CELF2: variants seen among roughly 807,000 people sequenced by gnomAD.
CELF2 encodes CUGBP Elav-like family member 2.
Under a neutral mutation model 62.6 loss-of-function variants are expected in CELF2, and 8 were observed. The ratio of observed to expected loss-of-function variants is 0.13; its 90% CI spans 0.07 to 0.23. The LOEUF (loss-of-function observed/expected upper bound fraction) is 0.23. CELF2 is among the 10% of genes least tolerant of loss of function. CELF2 has a pLI of 1.00. For synonymous variants in CELF2, 258 were observed against 250.0 expected (o/e 1.03, Z -0.30); for missense variants, 333 against 671.0 (o/e 0.50, Z 5.56).
the CELF2 span, among the ~76,000 whole-genome samples, chr10:10,774,883 ATTT>A: frequency 9.6e-4 from 139 of 145,468 alleles, 1 homozygote; most frequent in African/African-American, 2.9e-3. Flanking sequence ...TTATTTATTT[ATTT>A]TTTTTTTTTT....
At chr10:10,678,137 T>C in the CELF2 span, among the ~76,000 whole-genome samples, 1 of 152,202 alleles carries the variant, frequency 6.6e-6, no homozygotes, top group Non-Finnish European at 1.5e-5. Flanking sequence ...AATCTTTTTC[T>C]CTTTATTGCC....
the CELF2 span, among the ~76,000 whole-genome samples, chr10:10,469,789 G>T: frequency 6.6e-6 from 1 of 151,814 alleles, no homozygotes; most frequent in East Asian, 1.9e-4. Context: ...TTTTCCTTGT[G>T]GGGAGACTTT....
At chr10:10,538,111 G>T in the CELF2 span, among the ~76,000 whole-genome samples, 1 of 152,166 alleles carries the variant, frequency 6.6e-6, no homozygotes, top group Non-Finnish European at 1.5e-5. Context: ...GGAAGGCAGT[G>T]GTCACCAGAG....
At chr10:10,610,245 C>G in the CELF2 span, among the ~76,000 whole-genome samples, 1 of 152,146 alleles carries the variant, frequency 6.6e-6, no homozygotes. Context: ...GCTACAACCT[C>G]CAGCATTACT....
At chr10:11,070,254 A>G (rs1225623062) in intron 1 of CELF2, among the ~76,000 whole-genome samples, 1 of 152,144 alleles carries the variant, frequency 6.6e-6, no homozygotes, top group Non-Finnish European at 1.5e-5. Context: ...TCAGGGTAGG[A>G]GACAGACGGT....
chr10:10,491,751 A>C, the CELF2 span, among the ~76,000 whole-genome samples: 1 of 152,146 alleles, frequency 6.6e-6, no homozygotes, highest in Non-Finnish European at 1.5e-5. Context: ...ACATTGACAA[A>C]AGTGGTTCAT....
the CELF2 span, among the ~76,000 whole-genome samples, chr10:10,509,627 C>T: frequency 6.6e-6 from 1 of 152,188 alleles, no homozygotes; most frequent in Non-Finnish European, 1.5e-5. Flanking sequence ...AGACATCATT[C>T]TACAGAATAA....
At chr10:10,617,933 A>G in the CELF2 span, among the ~76,000 whole-genome samples, 2 of 152,072 alleles carry the variant, frequency 1.3e-5, no homozygotes, top group Non-Finnish European at 2.9e-5. Context: ...AGAAAGCACA[A>G]GGCTCTAAAA....
At position 11,247,605 on chromosome 10, in the gene CELF2, C is replaced by T. The variant is rs2076001988; in HGVS notation, c.355-1548C>T. Among the ~76,000 whole-genome samples the T allele has an allele frequency of 2.0e-5, 3 of 150,934 alleles. No individual in the cohort carries two copies. In the Admixed American group the frequency reaches 2.0e-4, roughly 10 times the overall value. On this transcript the variant is annotated intron_variant, in intron 3 of 12. Coordinates refer to ENST00000633077, the MANE Select transcript of CELF2 (RefSeq NM_001326342.2). This position sits in a 1 kb window ranked among gnomAD's most constrained non-coding sequence, Gnocchi z 5.4. ...TCCATCCTATGCCCGCCATCCCATG[C>T]CCGCCATCCCACCCCTGCCACACTG...
chr10:10,797,775 A>T (rs997625300), upstream of CELF2, among the ~76,000 whole-genome samples: 1 of 152,190 alleles, frequency 6.6e-6, no homozygotes, highest in African/African-American at 2.4e-5. Context: ...CCAAGCATAG[A>T]AGCCTCTGCT....
chr10:11,104,645 G>A (rs567174881), intron 1 of CELF2, among the ~76,000 whole-genome samples: 69 of 152,330 alleles, frequency 4.5e-4, no homozygotes, highest in Admixed American at 7.8e-4. Context: ...TTGTGCCACT[G>A]CACTCCAGTC....
At chr10:10,819,810 A>C (rs2056805346) in intron 1 of CELF2, among the ~76,000 whole-genome samples, 1 of 151,132 alleles carries the variant, frequency 6.6e-6, no homozygotes, top group African/African-American at 2.4e-5. Context: ...TTCAGTTCCC[A>C]CCCATTGTCA....
At chr10:10,747,904 G>A in the CELF2 span, among the ~76,000 whole-genome samples, 4 of 152,100 alleles carry the variant, frequency 2.6e-5, no homozygotes, top group African/African-American at 4.8e-5. Flanking sequence ...TAGAGATGGG[G>A]TTTCACCACT....
chr10:10,851,585 A>C (rs905685192), intron 1 of CELF2, among the ~76,000 whole-genome samples: 9 of 152,194 alleles, frequency 5.9e-5, no homozygotes, highest in Non-Finnish European at 8.8e-5. Context: ...GATAAATTGG[A>C]CCTCATTGAA....
Position 11,247,751 on chromosome 10 carries a change from G to C in CELF2, c.355-1402G>C, listed in dbSNP as rs1216008003. Among the ~76,000 whole-genome samples, 1 of 152,164 alleles carries C rather than the reference G, an allele frequency of 6.6e-6. No individual in the cohort carries two copies. Among genetic ancestry groups the C allele is most frequent in the Non-Finnish European group, 1.5e-5 (1 of 68,028 alleles). The stretch of plus-strand genomic sequence containing the variant: ...CAACCAGACAGATGCATGCTGGGAG[G>C]ATCGCTTGCTCAAAGACTCTGCCCA... On this transcript the variant is annotated intron_variant, in intron 3 of 12. Coordinates refer to ENST00000633077, the MANE Select transcript of CELF2 (RefSeq NM_001326342.2). This position sits in a 1 kb window ranked among gnomAD's most constrained non-coding sequence, Gnocchi z 5.4.
At position 11,005,383 on chromosome 10, in the gene CELF2, G is replaced by A. The variant is rs375675826; in HGVS notation, c.-5G>A. On this transcript the variant is annotated 5_prime_UTR_variant, in exon 1 of 13. Transcript: ENST00000416382. This position sits in a 1 kb window ranked among gnomAD's most constrained non-coding sequence, Gnocchi z 4.3. ...GGCTTTTGTTGAGACTATCAGTATA[G>A]AAGCATGCGCTGTCCCAAATCCGCT... 6.2e-7 allele frequency: 1 copy of A among 1,613,484 alleles called. No homozygotes were observed. Among genetic ancestry groups the A allele is most frequent in the African/African-American group, 1.3e-5 (1 of 74,978 alleles).
intron 1 of CELF2, among the ~76,000 whole-genome samples, chr10:10,810,735 C>T (rs2055782644): frequency 6.6e-6 from 1 of 152,136 alleles, no homozygotes; most frequent in Non-Finnish European, 1.5e-5. Flanking sequence ...CCCAAAGAAA[C>T]CACTAAAGTT....
intron 11 of CELF2, among the ~76,000 whole-genome samples, chr10:11,323,082 A>G (rs977867113): frequency 6.6e-6 from 1 of 152,020 alleles, no homozygotes; most frequent in African/African-American, 2.4e-5. Flanking sequence ...ACATGTTTCG[A>G]AACAACATGT....
At chr10:10,826,789 TG>T (rs577786332) in intron 1 of CELF2, among the ~76,000 whole-genome samples, 3 of 152,350 alleles carry the variant, frequency 2.0e-5, no homozygotes, top group Admixed American at 6.5e-5. Flanking sequence ...TTTGTATTTT[TG>T]TCTCTCAGGT....
Sources: gnomAD v4.1 joint callset for allele counts (sites outside exome capture counted in the v4.1 genomes callset) on GRCh38, gnomAD v4.1.1 for gene constraint, Gnocchi (gnomAD v3.1) non-coding constraint, MANE v1.5 for transcripts, NCBI Gene and HGNC (gene_info 2026-07-23, HGNC 2026-07-21) for gene names.